STK10: variants seen among roughly 807,000 people sequenced by gnomAD.
STK10 encodes the protein serine/threonine kinase 10.
In STK10, 78 loss-of-function variants were observed where a neutral mutation model predicts 113.8. The observed-to-expected ratio is 0.69, with a 90% CI of 0.57 to 0.83. The LOEUF is 0.83. Ranked by LOEUF, STK10 falls within the 40% of genes least tolerant of loss-of-function variation. The pLI, the probability that STK10 is intolerant of heterozygous loss-of-function variation, is 0.00. For synonymous variants in STK10, 465 were observed against 494.7 expected, an observed-to-expected ratio of 0.94 and a Z score of 0.80; for missense variants, 1,109 against 1,280.1, an observed-to-expected ratio of 0.87 and a Z score of 2.04.
intron 12 of STK10, among the ~76,000 whole-genome samples, chr5:172,073,965 A>AAATAAT (rs767697438): frequency 3.1e-5 from 3 of 96,854 alleles, no homozygotes; most frequent in African/African-American, 1.2e-4. Context: ...ACTCTGTCTC[A>AAATAAT]AATAATAATA....
intron 1 of STK10, among the ~76,000 whole-genome samples, chr5:172,181,720 G>A (rs1461994869): frequency 2.0e-5 from 3 of 147,698 alleles, no homozygotes; most frequent in Non-Finnish European, 4.5e-5. Context: ...CTGACCTCAG[G>A]TTATGCTCCC....
At chr5:172,185,765 T>A (rs995319252) in intron 1 of STK10, among the ~76,000 whole-genome samples, 4 of 152,212 alleles carry the variant, frequency 2.6e-5, no homozygotes, top group Admixed American at 2.6e-4. Context: ...GATCGTTCTC[T>A]GGTGCCACCA....
chr5:172,082,252 G>C lies in STK10; in HGVS notation c.1989+74C>G. 1 of 1,429,030 alleles carries C rather than the reference G, an allele frequency of 7.0e-7. No individual in the cohort carries two copies. The highest frequency in any genetic ancestry group is 9.2e-7 in the Non-Finnish European group (1 of 1,086,686). 88.5% of individuals were successfully genotyped at this position (1,429,030 alleles called of 1,614,324 possible). ...CCCTCTGCTGCCAAGGTGAGGTTGAGGCCACGATCACTTGCAACCAAGAAG... is the reference window on the plus strand; with the variant it reads ...CCCTCTGCTGCCAAGGTGAGGTTGACGCCACGATCACTTGCAACCAAGAAG... On this transcript the variant is annotated intron_variant, in intron 12 of 18. Coordinates refer to ENST00000176763, the MANE Select transcript of STK10 (RefSeq NM_005990.4). This position sits in a 1 kb window ranked among gnomAD's most constrained non-coding sequence, Gnocchi z 4.3.
intron 3 of STK10, among the ~76,000 whole-genome samples, chr5:172,122,550 C>T (rs1343510694): frequency 6.6e-6 from 1 of 152,174 alleles, no homozygotes; most frequent in Non-Finnish European, 1.5e-5. Flanking sequence ...GCAAAGTCCC[C>T]GTTGACACCA....
intron 16 of STK10, 87 bp downstream of exon 16, chr5:172,055,501 C>T (rs1767728129): frequency 7.2e-6 from 9 of 1,255,094 alleles, no homozygotes; most frequent in African/African-American, 1.6e-5. Flanking sequence ...TTCATATTCT[C>T]CAAAACTGTA....
At position 172,112,224 on chromosome 5, in the gene STK10, A is replaced by C. The variant is rs139843147; in HGVS notation, c.521-4372T>G. ...TATAAAATGTGTAGCATGATTCCAG[A>C]AATGATCCAAGTGCAGGTACTCCAG... On this transcript the variant is annotated intron_variant, in intron 4 of 18. Coordinates refer to ENST00000176763, the MANE Select transcript of STK10 (RefSeq NM_005990.4). 4.6e-3 allele frequency among the ~76,000 whole-genome samples: 695 copies of C among 152,326 alleles called. 3 individuals carry two copies. The highest frequency in any genetic ancestry group is 8.0e-3 in the Non-Finnish European group (542 of 68,034).
In STK10 at chr5:172,057,385, G is replaced by A; in HGVS notation, c.2301C>T (p.Phe767=). Residue 767 remains phenylalanine, a synonymous_variant, in exon 15 of 19, where the codon TTC becomes TTT. Transcript: ENST00000176763. ...TGCGCAGCAGCTCGTGCCGCTGGAG[G>A]AAGTACTGGTCTTTGAGCTGCTGCT... The part of the protein sequence containing the change: ...LVKQQLKDQY[F]LQRHELLRKH... The A allele has an allele frequency of 6.4e-7, 1 of 1,563,176 alleles. No homozygotes were observed. The highest frequency in any genetic ancestry group is 8.7e-7 in the Non-Finnish European group (1 of 1,153,698).
At chr5:172,183,456 CTTT>C (rs574488817) in intron 1 of STK10, among the ~76,000 whole-genome samples, 4 of 139,740 alleles carry the variant, frequency 2.9e-5, no homozygotes, top group Non-Finnish European at 3.1e-5. Flanking sequence ...GTAAACTTTA[CTTT>C]TTTTTTTTTT....
At chr5:172,083,827 GA>G (rs1266879459) in intron 10 of STK10, among the ~76,000 whole-genome samples, 1 of 150,932 alleles carries the variant, frequency 6.6e-6, no homozygotes, top group East Asian at 2.0e-4. Context: ...AGAATCGCTT[GA>G]ACCTGGGAGG....
chr5:172,133,652 G>C lies in STK10; in HGVS notation c.322-6231C>G, dbSNP rs1156295945. ...GCAGGAAACCATGTTGCAACCACGA[G>C]AGAAGTGGGTGTGAAGACAAAGCTA... On this transcript the variant is annotated intron_variant, in intron 2 of 18. Coordinates refer to ENST00000176763, the MANE Select transcript of STK10 (RefSeq NM_005990.4). This position sits in a 1 kb window ranked among gnomAD's most constrained non-coding sequence, Gnocchi z 4.9. Among the ~76,000 whole-genome samples the C allele has an allele frequency of 6.6e-6, 1 of 152,212 alleles. No homozygotes were observed. The highest frequency in any genetic ancestry group is 1.5e-5 in the Non-Finnish European group (1 of 68,046).
chr5:172,151,852 G>A (rs897455331), intron 2 of STK10, among the ~76,000 whole-genome samples: 31 of 152,198 alleles, frequency 2.0e-4, no homozygotes, highest in Non-Finnish European at 3.8e-4. Flanking sequence ...CTCGGTTCAC[G>A]TTACTCTGCC....
chr5:172,085,311 G>A (rs1292757263), intron 10 of STK10, among the ~76,000 whole-genome samples: 1 of 152,098 alleles, frequency 6.6e-6, no homozygotes, highest in South Asian at 2.1e-4. Context: ...TATGTTGTCA[G>A]TGTATGTGTG....
intron 7 of STK10, among the ~76,000 whole-genome samples, chr5:172,105,178 C>G (rs1272745337): frequency 2.7e-5 from 4 of 149,512 alleles, no homozygotes; most frequent in African/African-American, 7.4e-5. Flanking sequence ...CCCACCCCCA[C>G]CCCCTGGCTC....
At chr5:172,065,019 C>T (rs1768038731) in intron 12 of STK10, among the ~76,000 whole-genome samples, 1 of 152,228 alleles carries the variant, frequency 6.6e-6, no homozygotes, top group African/African-American at 2.4e-5. Flanking sequence ...GTTTCAGCTT[C>T]CAACTCCCCC....
rs200629054 is a variant in STK10, at chr5:172,105,430, C to A, written c.870+226G>T. 7.8e-4 allele frequency: 451 copies of A among 576,558 alleles called. 3 individuals carry two copies. In the East Asian group the frequency reaches 9.4e-3, roughly 12 times the overall value. The allele number at this position is 576,558 out of a possible 1,614,324, so 35.7% of individuals were successfully genotyped here. A position where few individuals can be genotyped will look rare whatever the true frequency, so the allele number is the denominator to read the frequency against. On this transcript the variant is annotated intron_variant, in intron 7 of 18. Coordinates refer to ENST00000176763, the MANE Select transcript of STK10 (RefSeq NM_005990.4). ...TGCTTATTTGCCACCTGTATCCCCA[C>A]TGGAACACACGCTCCATGAGGACAA...
At position 172,054,593 on chromosome 5, in the gene STK10, G is replaced by A. The variant is rs933222872; in HGVS notation, c.2628C>T (p.Asn876=). ...MRDMLAQCES[N]MSELQQLQNE... ...CCTGCAGCTGCTGCAGCTCGCTCAT[G>A]TTGCTCTCACACTGCGCCAGCATGT... The change falls in exon 17 of 19, where the codon AAC becomes AAT. Residue 876 remains asparagine (N), a synonymous_variant. Transcript: ENST00000176763. 6.2e-7 allele frequency: 1 copy of A among 1,608,846 alleles called. No individual in the cohort carries two copies. The highest frequency in any genetic ancestry group is 1.3e-5 in the African/African-American group (1 of 75,042).
At chr5:172,117,080 A>T (rs1769403067) in intron 4 of STK10, among the ~76,000 whole-genome samples, 1 of 151,962 alleles carries the variant, frequency 6.6e-6, no homozygotes, top group Non-Finnish European at 1.5e-5. Flanking sequence ...GGAGTTCGAG[A>T]CCAGCTTGGC....
intron 13 of STK10, 81 bp downstream of exon 13, chr5:172,064,639 G>A: frequency 6.8e-7 from 1 of 1,468,024 alleles, no homozygotes; most frequent in Non-Finnish European, 9.5e-7. Flanking sequence ...CAGGGATTGG[G>A]CAAAGGCAGA....
rs193078389 is a variant in STK10, at chr5:172,079,927, C to T, written c.1989+2399G>A. ...TCCTCTGAAATGTGCAGGTATACCT[C>T]ATTTTTTCATGCTTCACTTTATTAC... On this transcript the variant is annotated intron_variant, in intron 12 of 18. Transcript: ENST00000176763. Among the ~76,000 whole-genome samples the T allele has an allele frequency of 1.6e-4, 25 of 152,196 alleles. No homozygotes were observed. The East Asian group carries it at 4.4e-3, about 27-fold the overall frequency.
Sources: gnomAD v4.1 joint callset for allele counts (sites outside exome capture counted in the v4.1 genomes callset) on GRCh38, gnomAD v4.1.1 for gene constraint, Gnocchi (gnomAD v3.1) non-coding constraint, MANE v1.5 for transcripts, NCBI Gene and HGNC (gene_info 2026-07-23, HGNC 2026-07-21) for gene names.